SLC7A11: variants seen among roughly 807,000 people sequenced by gnomAD.
SLC7A11 encodes the protein solute carrier family 7 member 11.
A neutral mutation model predicts 54.5 loss-of-function variants in SLC7A11; 35 were observed. The observed-to-expected ratio is 0.64, with a 90% confidence interval of 0.49 to 0.85. SLC7A11 has a LOEUF of 0.85. Ranked by LOEUF, SLC7A11 falls within the 40% of genes least tolerant of loss-of-function variation. The pLI is 0.00. For missense variants in SLC7A11, 583 were observed against 618.1 expected (o/e 0.94, Z 0.60); for synonymous variants, 230 against 225.2 (o/e 1.02, Z -0.19).
intron 6 of SLC7A11, among the ~76,000 whole-genome samples, chr4:138,213,993 TAA>T (rs923530187): frequency 4.3e-4 from 65 of 152,256 alleles, no homozygotes; most frequent in African/African-American, 1.5e-3. Flanking sequence ...CATTTTTCCC[TAA>T]GTTAGTTCAT....
chr4:138,209,201 A>G (rs1413182947), intron 6 of SLC7A11, among the ~76,000 whole-genome samples: 1 of 152,030 alleles, frequency 6.6e-6, no homozygotes, highest in African/African-American at 2.4e-5. Flanking sequence ...CAAATTTAGG[A>G]AAATTTTATT....
chr4:138,172,617 A>G (rs572633795), intron 11 of SLC7A11, among the ~76,000 whole-genome samples: 3 of 152,296 alleles, frequency 2.0e-5, no homozygotes, highest in Admixed American at 2.0e-4. Flanking sequence ...GACCTACTCA[A>G]TTAGAAACTG....
At chr4:138,218,952 A>G (rs556245299) in intron 5 of SLC7A11, among the ~76,000 whole-genome samples, 2 of 152,282 alleles carry the variant, frequency 1.3e-5, no homozygotes, top group East Asian at 3.9e-4. Flanking sequence ...ACCTTACGGC[A>G]CTATTATGTC....
chr4:138,238,215 T>G (rs1346480921), intron 1 of SLC7A11, among the ~76,000 whole-genome samples: 5 of 152,160 alleles, frequency 3.3e-5, no homozygotes, highest in Non-Finnish European at 7.4e-5. Context: ...GAAATGGAGA[T>G]CTCAGCTTCT....
intron 11 of SLC7A11, among the ~76,000 whole-genome samples, chr4:138,173,247 T>G (rs560398905): frequency 6.6e-6 from 1 of 152,176 alleles, no homozygotes. Flanking sequence ...CAGGCCCAGA[T>G]AGTCTTTCAT....
rs1736420517 is a variant in SLC7A11 at position 138,171,335 on chromosome 4, C to G, written c.*621G>C. On this transcript the variant is annotated 3_prime_UTR_variant, in exon 12 of 12. Transcript: ENST00000280612. ...ATAACTCCTGGATGTGTCTCATAAA[C>G]AGTAGCCCCTAGAAACTCTTCTTTA... 6.6e-6 allele frequency: 1 copy of G among 152,066 alleles called. No individual in the cohort carries two copies. The highest frequency in any genetic ancestry group is 1.5e-5 in the Non-Finnish European group (1 of 67,982). The allele number at this position is 152,066 out of a possible 1,614,324, so 9.4% of individuals were successfully genotyped here.
intron 1 of SLC7A11, among the ~76,000 whole-genome samples, chr4:138,236,762 G>C (rs1738217578): frequency 6.6e-6 from 1 of 152,052 alleles, no homozygotes. Context: ...CTGGAAATAG[G>C]GGAAAAAGAG....
chr4:138,204,252 T>TGGGCATGA (rs1737355242), intron 6 of SLC7A11, among the ~76,000 whole-genome samples: 1 of 152,042 alleles, frequency 6.6e-6, no homozygotes, highest in African/African-American at 2.4e-5. Context: ...GCTAACTACA[T>TGGGCATGA]GGGCATGAGA....
At chr4:138,211,175 T>C (rs1297113307) in intron 6 of SLC7A11, among the ~76,000 whole-genome samples, 1 of 151,878 alleles carries the variant, frequency 6.6e-6, no homozygotes, top group Non-Finnish European at 1.5e-5. Context: ...CACTTATAAT[T>C]GGGAGGTAAA....
chr4:138,208,731 T>A (rs1737470389), intron 6 of SLC7A11, among the ~76,000 whole-genome samples: 1 of 152,038 alleles, frequency 6.6e-6, no homozygotes. Flanking sequence ...CAAAATACAA[T>A]CCTTACTCCA....
In SLC7A11 at chr4:138,242,105, A is replaced by G; in HGVS notation, c.-36T>C. ...CACGGGGGAAAAATAAAACAGAGGGAAAGAAAACAAAACTTTCAACTTTGG... is the reference window on the plus strand; with the variant it reads ...CACGGGGGAAAAATAAAACAGAGGGGAAGAAAACAAAACTTTCAACTTTGG... On this transcript the variant is annotated 5_prime_UTR_variant, in exon 1 of 12. Coordinates refer to ENST00000280612, the MANE Select transcript of SLC7A11 (RefSeq NM_014331.4). 1 of 1,597,314 alleles carries G rather than the reference A, an allele frequency of 6.3e-7. No homozygotes were observed. Among genetic ancestry groups the G allele is most frequent in the Non-Finnish European group, 8.5e-7 (1 of 1,170,970 alleles).
intron 6 of SLC7A11, among the ~76,000 whole-genome samples, chr4:138,197,236 G>A (rs4501269): frequency 0.45 from 67,743 of 151,722 alleles, 16,206 homozygotes; most frequent in Middle Eastern, 0.61. Flanking sequence ...AGGCAATTTC[G>A]ATAATTATCA....
At chr4:138,228,065 T>C (rs1461039171) in intron 3 of SLC7A11, among the ~76,000 whole-genome samples, 1 of 152,160 alleles carries the variant, frequency 6.6e-6, no homozygotes, top group Non-Finnish European at 1.5e-5. Flanking sequence ...CAGGAAAATA[T>C]AGATTTCAAA....
chr4:138,211,447 T>C (rs570529752), intron 6 of SLC7A11, among the ~76,000 whole-genome samples: 16 of 151,838 alleles, frequency 1.1e-4, no homozygotes, highest in Non-Finnish European at 1.5e-4. Flanking sequence ...GAATGTAAAT[T>C]AGTACAGACA....
intron 2 of SLC7A11, among the ~76,000 whole-genome samples, chr4:138,234,927 T>C (rs1173736258): frequency 2.0e-5 from 3 of 152,230 alleles, no homozygotes; most frequent in Non-Finnish European, 2.9e-5. Context: ...ATATTGTAAC[T>C]TTAAACTTTC....
intron 3 of SLC7A11, among the ~76,000 whole-genome samples, chr4:138,231,619 G>C (rs1738081851): frequency 6.6e-6 from 1 of 152,214 alleles, no homozygotes; most frequent in East Asian, 1.9e-4. Context: ...TGGGGAATTA[G>C]AGTCATATAT....
At position 138,171,846 on chromosome 4, in the gene SLC7A11, CT is replaced by C; in HGVS notation, c.*109del. 1 of 1,384,784 alleles carries C rather than the reference CT, an allele frequency of 7.2e-7. No homozygotes were observed. Among genetic ancestry groups the C allele is most frequent in the African/African-American group, 1.5e-5 (1 of 66,460 alleles). 85.8% of individuals were successfully genotyped at this position (1,384,784 alleles called of 1,614,324 possible). The stretch of plus-strand genomic sequence containing the variant: ...ATATATGAATAAAAATAACTGACTC[CT>C]TTTGTTTATCACCAAAGTTGTAATT... On this transcript the variant is annotated 3_prime_UTR_variant, in exon 12 of 12. Transcript: ENST00000280612.
At position 138,214,590 on chromosome 4, in the gene SLC7A11, A is replaced by G. The variant is rs376804683; in HGVS notation, c.786T>C (p.Pro262=). 1.8e-5 allele frequency: 26 copies of G among 1,453,346 alleles called. No individual in the cohort carries two copies. In the African/African-American group the frequency reaches 2.0e-4, roughly 11 times the overall value. 90.0% of individuals were successfully genotyped at this position (1,453,346 alleles called of 1,614,324 possible). ...LNFVTEEVEN[P]EKTIPLAICI... ...GGGTACATCTGGCTACTTACTTTTC[A>G]GGGTTTTCTACTTCTTCAGTAACAA... Residue 262 remains proline (P), a synonymous_variant, in exon 6 of 12, where the codon CCT becomes CCC. Transcript: ENST00000280612.
At position 138,242,217 on chromosome 4, in the gene SLC7A11, G is replaced by T; in HGVS notation, c.-148C>A. On this transcript the variant is annotated 5_prime_UTR_variant, in exon 1 of 12. Coordinates refer to ENST00000280612, the MANE Select transcript of SLC7A11 (RefSeq NM_014331.4). ...TAGTGTTCACAGGTGAAAACTCAAA[G>T]GTGTGCTTTTTCCTTCACAGCGATC... 1 of 903,912 alleles carries T rather than the reference G, an allele frequency of 1.1e-6. No homozygotes were observed. The highest frequency in any genetic ancestry group is 1.6e-6 in the Non-Finnish European group (1 of 608,942). 56.0% of individuals were successfully genotyped at this position (903,912 alleles called of 1,614,324 possible).
Sources: gnomAD v4.1 joint callset for allele counts (sites outside exome capture counted in the v4.1 genomes callset) on GRCh38, gnomAD v4.1.1 for gene constraint, MANE v1.5 for transcripts, NCBI Gene and HGNC (gene_info 2026-07-23, HGNC 2026-07-21) for gene names.